PCDH9: variants seen among roughly 807,000 people sequenced by gnomAD.
PCDH9 encodes protocadherin-9.
Under a neutral mutation model 70.6 loss-of-function variants are expected in PCDH9, and 24 were observed. The observed-to-expected ratio is 0.34, with a 90% CI of 0.25 to 0.48. The LOEUF is 0.48. Among genes scored for constraint, PCDH9 ranks in the 20% least tolerant of loss-of-function variants. The pLI is 0.99. For synonymous variants in PCDH9, 562 were observed against 558.5 expected (o/e 1.01, Z -0.09); for missense variants, 1,281 against 1,503.6 (o/e 0.85, Z 2.45).
At chr13:66,374,335 C>T (rs868186680) in intron 4 of PCDH9, among the ~76,000 whole-genome samples, 3 of 151,724 alleles carry the variant, frequency 2.0e-5, no homozygotes, top group African/African-American at 4.8e-5. Context: ...AAGGGACATG[C>T]GAATTTGACA....
chr13:66,560,679 T>C (rs1311261881), intron 4 of PCDH9, among the ~76,000 whole-genome samples: 3 of 152,202 alleles, frequency 2.0e-5, no homozygotes, highest in African/African-American at 2.4e-5. Flanking sequence ...GGCTTCAAAA[T>C]ACTCTTGGAT....
intron 4 of PCDH9, among the ~76,000 whole-genome samples, chr13:66,449,501 C>T (rs1290684555): frequency 6.6e-6 from 1 of 152,100 alleles, no homozygotes; most frequent in Non-Finnish European, 1.5e-5. Flanking sequence ...TAGGGGCTTG[C>T]CACCTGACTT....
chr13:66,327,130 A>G (rs1955862787), intron 4 of PCDH9, among the ~76,000 whole-genome samples: 1 of 152,182 alleles, frequency 6.6e-6, no homozygotes, highest in Non-Finnish European at 1.5e-5. Context: ...TGAAGTAAAT[A>G]CACCAAGTCA....
chr13:66,622,255 G>C (rs566623100), intron 4 of PCDH9, among the ~76,000 whole-genome samples: 7 of 152,184 alleles, frequency 4.6e-5, no homozygotes, highest in Non-Finnish European at 1.0e-4. Flanking sequence ...CTGTGCGGCC[G>C]AGGAGCCTAC....
chr13:66,370,388 C>T (rs1251550707), intron 4 of PCDH9, among the ~76,000 whole-genome samples: 1 of 151,994 alleles, frequency 6.6e-6, no homozygotes, highest in Non-Finnish European at 1.5e-5. Flanking sequence ...ATTGTTTACC[C>T]CTTTTTGTTT....
intron 2 of PCDH9, among the ~76,000 whole-genome samples, chr13:66,933,739 C>T (rs1351199155): frequency 6.6e-6 from 1 of 152,116 alleles, no homozygotes; most frequent in Non-Finnish European, 1.5e-5. Flanking sequence ...TCAATCAAAT[C>T]TTAGAACCCC....
At chr13:67,212,131 G>A (rs2089481070) in intron 2 of PCDH9, 1 of 152,040 alleles carries the variant, frequency 6.6e-6, no homozygotes, top group Non-Finnish European at 1.5e-5. Context: ...CCTGTAGAAG[G>A]AGTGTGATTT....
chr13:66,986,480 T>C (rs17252438), intron 2 of PCDH9, among the ~76,000 whole-genome samples: 13,320 of 152,042 alleles, frequency 0.088, 994 homozygotes, highest in East Asian at 0.39. Context: ...TGTTTTTCAC[T>C]GGGATATGGA....
intron 4 of PCDH9, among the ~76,000 whole-genome samples, chr13:66,396,023 T>G (rs1218947347): frequency 6.6e-6 from 1 of 152,150 alleles, no homozygotes; most frequent in Non-Finnish European, 1.5e-5. Context: ...AGGAGGCAGA[T>G]ATAAACAAAA....
chr13:66,771,478 G>A (rs1426477404), intron 3 of PCDH9, among the ~76,000 whole-genome samples: 1 of 152,092 alleles, frequency 6.6e-6, no homozygotes, highest in Non-Finnish European at 1.5e-5. Flanking sequence ...TGACAAGAGA[G>A]GCAGATATTA....
intron 4 of PCDH9, among the ~76,000 whole-genome samples, chr13:66,446,315 C>T (rs912024825): frequency 6.6e-6 from 1 of 151,800 alleles, no homozygotes; most frequent in African/African-American, 2.4e-5. Flanking sequence ...AAAATCCACA[C>T]TCAGAAATGT....
chr13:66,390,144 C>T (rs1387861692), intron 4 of PCDH9, among the ~76,000 whole-genome samples: 1 of 152,108 alleles, frequency 6.6e-6, no homozygotes, highest in African/African-American at 2.4e-5. Context: ...ATCTGTTCTT[C>T]AAAGTGCTAA....
intron 3 of PCDH9, among the ~76,000 whole-genome samples, chr13:66,639,381 T>C (rs1164274906): frequency 6.6e-6 from 1 of 152,206 alleles, no homozygotes; most frequent in South Asian, 2.1e-4. Context: ...AGGATCTGTA[T>C]TTTTTCTGGG....
At chr13:66,444,102 G>A (rs1353485470) in intron 4 of PCDH9, among the ~76,000 whole-genome samples, 1 of 152,142 alleles carries the variant, frequency 6.6e-6, no homozygotes, top group Non-Finnish European at 1.5e-5. Context: ...CAGAGAGCCA[G>A]TTGTGCCCCA....
chr13:67,111,805 A>G (rs2086664549), intron 2 of PCDH9, among the ~76,000 whole-genome samples: 1 of 152,154 alleles, frequency 6.6e-6, no homozygotes, highest in East Asian at 1.9e-4. Flanking sequence ...TTATTATGTA[A>G]CCTTCACTTC....
intron 4 of PCDH9, among the ~76,000 whole-genome samples, chr13:66,311,494 A>G (rs1282336072): frequency 6.6e-6 from 1 of 152,034 alleles, no homozygotes; most frequent in Non-Finnish European, 1.5e-5. Flanking sequence ...GACCTGAAAG[A>G]AATGTCAGAG....
At chr13:66,527,947 G>A (rs1446833446) in intron 4 of PCDH9, among the ~76,000 whole-genome samples, 4 of 152,136 alleles carry the variant, frequency 2.6e-5, no homozygotes, top group Non-Finnish European at 5.9e-5. Flanking sequence ...GAACCTGGAA[G>A]GTGGAGGTTG....
intron 2 of PCDH9, among the ~76,000 whole-genome samples, chr13:67,095,653 G>A (rs1294128366): frequency 6.6e-6 from 1 of 152,046 alleles, no homozygotes; most frequent in Non-Finnish European, 1.5e-5. Context: ...TTCTTCTAAT[G>A]GAATTCCTGT....
At chr13:66,536,249 T>C (rs985655824) in intron 4 of PCDH9, among the ~76,000 whole-genome samples, 1 of 152,050 alleles carries the variant, frequency 6.6e-6, no homozygotes, top group South Asian at 2.1e-4. Context: ...CCTCAGGGAG[T>C]ACAACAGCTG....
Sources: allele counts gnomAD v4.1 joint callset (sites outside exome capture counted in the v4.1 genomes callset), GRCh38; gene constraint gnomAD v4.1.1; transcripts MANE v1.5; gene names NCBI Gene and HGNC (gene_info 2026-07-23, HGNC 2026-07-21).